Variants in PARN observed in about 807,000 individuals in gnomAD.
PARN encodes poly(A)-specific ribonuclease.
PARN carries 71 observed loss-of-function variants against 102.8 expected under a neutral mutation model. The ratio of observed to expected loss-of-function variants is 0.69; its 90% CI spans 0.57 to 0.84. The LOEUF (loss-of-function observed/expected upper bound fraction) is 0.84. Ranked by LOEUF, PARN falls within the 40% of genes least tolerant of loss-of-function variation. The pLI is 0.00. For synonymous variants in PARN, 261 were observed against 252.9 expected (o/e 1.03, Z -0.30); for missense variants, 782 against 760.9 (o/e 1.03, Z -0.33).
At chr16:14,616,258 A>C (rs182125478) in intron 6 of PARN, among the ~76,000 whole-genome samples, 1 of 152,322 alleles carries the variant, frequency 6.6e-6, no homozygotes, top group East Asian at 1.9e-4. Flanking sequence ...TTATGCATCA[A>C]ATATTTGGTG....
chr16:14,625,276 T>C (rs1206128165), intron 5 of PARN, among the ~76,000 whole-genome samples: 1 of 151,790 alleles, frequency 6.6e-6, no homozygotes, highest in Admixed American at 6.6e-5. Flanking sequence ...GCCGGGCAGA[T>C]CACCTGGGGT....
intron 22 of PARN, among the ~76,000 whole-genome samples, chr16:14,478,742 A>T (rs1373001037): frequency 1.3e-5 from 2 of 152,256 alleles, no homozygotes; most frequent in Admixed American, 6.5e-5. Context: ...AAGTGAATTT[A>T]AAAAGGTTGC....
intron 22 of PARN, among the ~76,000 whole-genome samples, chr16:14,453,063 G>A (rs1284367317): frequency 6.6e-6 from 1 of 152,176 alleles, no homozygotes; most frequent in Non-Finnish European, 1.5e-5. Context: ...GGTAAAATGA[G>A]AGGCAAAACA....
At chr16:14,624,536 C>T (rs542053606) in intron 5 of PARN, among the ~76,000 whole-genome samples, 151 of 152,246 alleles carry the variant, frequency 9.9e-4, no homozygotes, top group African/African-American at 3.3e-3. Flanking sequence ...TCCAGGTGTA[C>T]AATCATGGTT....
intron 5 of PARN, among the ~76,000 whole-genome samples, chr16:14,618,510 A>C (rs1972073361): frequency 6.6e-6 from 1 of 151,032 alleles, no homozygotes; most frequent in African/African-American, 2.4e-5. Flanking sequence ...AAAAAAAAAA[A>C]ATTAGCCAGG....
At chr16:14,603,053 T>C (rs576661206) in intron 11 of PARN, among the ~76,000 whole-genome samples, 1 of 152,216 alleles carries the variant, frequency 6.6e-6, no homozygotes, top group East Asian at 1.9e-4. Flanking sequence ...CCCAAGTAGC[T>C]AGGACTACAG....
chr16:14,466,620 C>CACCCA (rs1962371781), intron 22 of PARN, among the ~76,000 whole-genome samples: 1 of 152,190 alleles, frequency 6.6e-6, no homozygotes, highest in Admixed American at 6.5e-5. Context: ...AGATACCACC[C>CACCCA]ACCCATTCCT....
intron 21 of PARN, among the ~76,000 whole-genome samples, chr16:14,542,090 G>C (rs1966844531): frequency 6.6e-6 from 1 of 151,414 alleles, no homozygotes; most frequent in African/African-American, 2.4e-5. Flanking sequence ...ATGCAACCTT[G>C]ACCTCCTGAG....
chr16:14,445,192 G>A (rs1422469653), intron 23 of PARN, among the ~76,000 whole-genome samples: 3 of 151,904 alleles, frequency 2.0e-5, no homozygotes, highest in East Asian at 1.9e-4. Flanking sequence ...AGAGTCAAGA[G>A]ACAGCTAAAA....
chr16:14,610,029 T>C (rs748420264), intron 7 of PARN, among the ~76,000 whole-genome samples: 9 of 151,794 alleles, frequency 5.9e-5, no homozygotes, highest in Non-Finnish European at 1.2e-4. Flanking sequence ...CTGGGAAACA[T>C]AGTGAGATCC....
In PARN at chr16:14,628,154, C is replaced by G; in HGVS notation, c.177+18G>C. 1 of 1,415,848 alleles carries G rather than the reference C, an allele frequency of 7.1e-7. No homozygotes were observed. Among genetic ancestry groups the G allele is most frequent in the Non-Finnish European group, 1.0e-6 (1 of 1,004,268 alleles). 87.7% of individuals were successfully genotyped at this position (1,415,848 alleles called of 1,614,324 possible). A position where few individuals can be genotyped will look rare whatever the true frequency, so the allele number is the denominator to read the frequency against. ...ACTAACATGAGAAAGAAAAAGATTT[C>G]CTAGCACATCCACTTGCCTTTTTAA... On this transcript the variant is annotated intron_variant, in intron 3 of 23. Transcript: ENST00000437198.
intron 21 of PARN, among the ~76,000 whole-genome samples, chr16:14,501,957 A>C (rs1057039705): frequency 1.3e-5 from 2 of 152,222 alleles, no homozygotes; most frequent in African/African-American, 4.8e-5. Context: ...TAGAGGCCTT[A>C]GCTAAATGCT....
intron 6 of PARN, among the ~76,000 whole-genome samples, chr16:14,611,907 C>T (rs1183058148): frequency 1.3e-5 from 2 of 152,080 alleles, no homozygotes; most frequent in African/African-American, 2.4e-5. Flanking sequence ...GGGTCTCTGT[C>T]GCAATACTCA....
intron 21 of PARN, among the ~76,000 whole-genome samples, chr16:14,486,480 G>A (rs1963704662): frequency 6.6e-6 from 1 of 152,210 alleles, no homozygotes; most frequent in Non-Finnish European, 1.5e-5. Context: ...GGCGAGCTGA[G>A]TTAATCTATT....
intron 2 of PARN, among the ~76,000 whole-genome samples, chr16:14,629,028 C>G (rs1309789424): frequency 6.6e-6 from 1 of 152,158 alleles, no homozygotes; most frequent in African/African-American, 2.4e-5. Context: ...CTGACCCTAG[C>G]CGGTCACAAA....
At chr16:14,516,039 A>T (rs1443568408) in intron 21 of PARN, among the ~76,000 whole-genome samples, 1 of 152,184 alleles carries the variant, frequency 6.6e-6, no homozygotes, top group African/African-American at 2.4e-5. Flanking sequence ...TCAAGAAAAC[A>T]TTAACACTCA....
At chr16:14,451,550 C>G (rs990883167) in intron 22 of PARN, among the ~76,000 whole-genome samples, 1 of 151,708 alleles carries the variant, frequency 6.6e-6, no homozygotes, top group African/African-American at 2.4e-5. Context: ...TTTTATAAAC[C>G]CATTTACATG....
chr16:14,566,292 AAGAG>A (rs1267921957), intron 18 of PARN, among the ~76,000 whole-genome samples: 6 of 152,174 alleles, frequency 3.9e-5, no homozygotes, highest in African/African-American at 1.4e-4. Context: ...GTGTCCTCAT[AAGAG>A]AGAGGCAGAG....
chr16:14,579,703 G>A (rs192431443), intron 18 of PARN, among the ~76,000 whole-genome samples: 22 of 152,254 alleles, frequency 1.4e-4, no homozygotes, highest in African/African-American at 4.1e-4. Context: ...AGCTGGCCAC[G>A]GTGGTTCACA....
Sources: allele counts gnomAD v4.1 joint callset (sites outside exome capture counted in the v4.1 genomes callset), GRCh38; gene constraint gnomAD v4.1.1; transcripts MANE v1.5; gene names NCBI Gene and HGNC (gene_info 2026-07-23, HGNC 2026-07-21).